Variants in TNFRSF10B observed in about 807,000 individuals in gnomAD.
TNFRSF10B encodes tumor necrosis factor receptor superfamily member 10B.
TNFRSF10B carries 35 observed loss-of-function variants against 41.4 expected under a neutral mutation model. The ratio of observed to expected loss-of-function variants is 0.85; its 90% confidence interval spans 0.65 to 1.12. The LOEUF is 1.12. TNFRSF10B is among the 50% of genes most tolerant of loss of function. TNFRSF10B has a pLI of 0.00. For missense variants in TNFRSF10B, 584 were observed against 552.7 expected, an observed-to-expected ratio of 1.06 and a Z score of -0.57; for synonymous variants, 230 against 215.5, an observed-to-expected ratio of 1.07 and a Z score of -0.59.
chr8:23,034,050 C>T (rs1811961773), intron 2 of TNFRSF10B, among the ~76,000 whole-genome samples: 1 of 152,124 alleles, frequency 6.6e-6, no homozygotes, highest in Non-Finnish European at 1.5e-5. Context: ...CTCTTATTTA[C>T]TTATATGATT....
chr8:23,023,024 A>G (rs773625581), intron 8 of TNFRSF10B, 40 bp from the exon 9 acceptor site: 6 of 1,601,154 alleles, frequency 3.7e-6, no homozygotes, highest in Non-Finnish European at 5.1e-6. Context: ...GTGAGTTGGG[A>G]CTCAGAAAGG....
chr8:23,029,015 C>A (rs1275627123), intron 4 of TNFRSF10B, among the ~76,000 whole-genome samples: 1 of 152,170 alleles, frequency 6.6e-6, no homozygotes, highest in Non-Finnish European at 1.5e-5. Context: ...TTCCCCCAAT[C>A]ACAGCAAATA....
At chr8:23,047,461 G>A (rs2128817173) in intron 1 of TNFRSF10B, among the ~76,000 whole-genome samples, 1 of 152,000 alleles carries the variant, frequency 6.6e-6, no homozygotes, top group Admixed American at 6.5e-5. Flanking sequence ...TCTGATAAGG[G>A]GTTAATATCT....
At chr8:23,054,061 ATTG>A (rs1377832833) in intron 1 of TNFRSF10B, among the ~76,000 whole-genome samples, 6 of 152,264 alleles carry the variant, frequency 3.9e-5, no homozygotes, top group Admixed American at 1.3e-4. Flanking sequence ...TCCATAAATA[ATTG>A]TTGTCTGTCT....
intron 4 of TNFRSF10B, 141 bp from the exon 5 acceptor site, chr8:23,028,743 C>T (rs1233302697): frequency 2.9e-6 from 3 of 1,017,556 alleles, no homozygotes; most frequent in East Asian, 2.4e-5. Context: ...GCAGTGGGTC[C>T]CCCTGTGCTC....
At chr8:23,035,229 C>T (rs953268421) in intron 2 of TNFRSF10B, among the ~76,000 whole-genome samples, 2 of 152,210 alleles carry the variant, frequency 1.3e-5, no homozygotes, top group Admixed American at 6.5e-5. Context: ...GCAACCTGCA[C>T]CTCCTGGGTT....
At chr8:23,033,948 C>T (rs1175716955) in intron 2 of TNFRSF10B, among the ~76,000 whole-genome samples, 1 of 152,172 alleles carries the variant, frequency 6.6e-6, no homozygotes, top group African/African-American at 2.4e-5. Context: ...TCTCCAAATA[C>T]CATCTCATTG....
At chr8:23,040,009 T>C (rs929458444) in intron 2 of TNFRSF10B, among the ~76,000 whole-genome samples, 1 of 151,832 alleles carries the variant, frequency 6.6e-6, no homozygotes, top group East Asian at 1.9e-4. Context: ...CTGACCAACA[T>C]GGTAAAACCC....
chr8:23,057,702 G>C (rs185245078), intron 1 of TNFRSF10B, among the ~76,000 whole-genome samples: 275 of 152,014 alleles, frequency 1.8e-3, no homozygotes, highest in African/African-American at 6.3e-3. Flanking sequence ...CAAAGTGCTG[G>C]GTAAATTTTT....
At chr8:23,037,411 T>G (rs1227233897) in intron 2 of TNFRSF10B, among the ~76,000 whole-genome samples, 2 of 152,208 alleles carry the variant, frequency 1.3e-5, no homozygotes, top group African/African-American at 4.8e-5. Flanking sequence ...GGTTGATTAT[T>G]ACACTGAACC....
At chr8:23,028,078 G>C in intron 5 of TNFRSF10B, 1 of 608,100 alleles carries the variant, frequency 1.6e-6, no homozygotes, top group Non-Finnish European at 2.9e-6. Flanking sequence ...CTGAAGATGG[G>C]AGGAACTGGC....
At chr8:23,041,558 T>C (rs927845320) in intron 2 of TNFRSF10B, among the ~76,000 whole-genome samples, 1 of 147,092 alleles carries the variant, frequency 6.8e-6, no homozygotes, top group Non-Finnish European at 1.5e-5. Context: ...AATCAATCAA[T>C]GTATAATTTC....
Position 23,027,301 on chromosome 8 carries a change from A to T in TNFRSF10B, c.781-13T>A. 1 of 1,613,980 alleles carries T rather than the reference A, an allele frequency of 6.2e-7. No individual in the cohort carries two copies. The highest frequency in any genetic ancestry group is 2.2e-5 in the East Asian group (1 of 44,876). On this transcript the variant is annotated splice_polypyrimidine_tract_variant and intron_variant, in intron 6 of 8. Coordinates refer to ENST00000276431, the MANE Select transcript of TNFRSF10B (RefSeq NM_003842.5). Reference sequence around the variant, plus strand: ...GTCGTTGTGAGCTCTGGAAAAAGACATTGGGAAGGCAAAAAGCCGACTCAG... The same window carrying T: ...GTCGTTGTGAGCTCTGGAAAAAGACTTTGGGAAGGCAAAAAGCCGACTCAG...
At chr8:23,048,328 C>A (rs577350643) in intron 1 of TNFRSF10B, among the ~76,000 whole-genome samples, 1 of 151,220 alleles carries the variant, frequency 6.6e-6, no homozygotes, top group South Asian at 2.1e-4. Flanking sequence ...CCCAGCTACT[C>A]AGGAGGCTAA....
chr8:23,030,500 C>T (rs530021752), intron 3 of TNFRSF10B, among the ~76,000 whole-genome samples: 10 of 152,056 alleles, frequency 6.6e-5, no homozygotes, highest in African/African-American at 1.9e-4. Flanking sequence ...TTTGTAGAGA[C>T]GGGGTTTCTC....
At chr8:23,051,615 G>A (rs529212022) in intron 1 of TNFRSF10B, among the ~76,000 whole-genome samples, 2 of 151,698 alleles carry the variant, frequency 1.3e-5, no homozygotes, top group South Asian at 4.2e-4. Flanking sequence ...CGCGATCTCG[G>A]CTCACTGCAA....
chr8:23,055,521 T>TTAAAA lies in TNFRSF10B; in HGVS notation c.145-12279_145-12278insTTTTA, dbSNP rs1554510887. On this transcript the variant is annotated intron_variant, in intron 1 of 8. Coordinates refer to ENST00000276431, the MANE Select transcript of TNFRSF10B (RefSeq NM_003842.5). ...GTGCTTAAGTTAACTATTAAATGCTTAAAAAAAAAAAAAAAAAAGCCAGTG... is the reference window on the plus strand; with the variant it reads ...GTGCTTAAGTTAACTATTAAATGCTTTAAAAAAAAAAAAAAAAAAAAAAGCCAGTG... Among the ~76,000 whole-genome samples the TTAAAA allele has an allele frequency of 3.3e-5, 4 of 120,546 alleles. 1 individual carries two copies. Among genetic ancestry groups the TTAAAA allele is most frequent in the Non-Finnish European group, 5.3e-5 (3 of 56,676 alleles). The allele number at this position is 120,546 out of a possible 152,430, so 79.1% of individuals were successfully genotyped here.
At chr8:23,043,892 C>T (rs1411699418) in intron 1 of TNFRSF10B, among the ~76,000 whole-genome samples, 1 of 152,200 alleles carries the variant, frequency 6.6e-6, no homozygotes, top group Non-Finnish European at 1.5e-5. Flanking sequence ...TCCTATGACA[C>T]ACCTGGCCTA....
chr8:23,032,170 G>T (rs1201223685), intron 2 of TNFRSF10B, among the ~76,000 whole-genome samples: 1 of 152,080 alleles, frequency 6.6e-6, no homozygotes, highest in African/African-American at 2.4e-5. Context: ...TATTTCAAGT[G>T]ATTGGCAATC....
Sources: gnomAD v4.1 joint callset for allele counts (sites outside exome capture counted in the v4.1 genomes callset) on GRCh38, gnomAD v4.1.1 for gene constraint, MANE v1.5 for transcripts, NCBI Gene and HGNC (gene_info 2026-07-23, HGNC 2026-07-21) for gene names.